Variants in MAST2 observed in about 807,000 individuals in gnomAD.
The protein encoded by MAST2 is microtubule associated serine/threonine kinase 2.
In MAST2, 70 loss-of-function variants were observed where a neutral mutation model predicts 147.4. The ratio of observed to expected loss-of-function variants is 0.47; its 90% CI spans 0.39 to 0.58. MAST2 has a LOEUF of 0.58. Among genes scored for constraint, MAST2 ranks in the 20% least tolerant of loss-of-function variants. The pLI, the probability that MAST2 is intolerant of heterozygous loss-of-function variation, is 0.00. For synonymous variants in MAST2, 869 were observed against 896.8 expected (o/e 0.97, Z 0.55); for missense variants, 2,080 against 2,302.3 (o/e 0.90, Z 1.98).
chr1:45,911,853 A>ATAT (rs10595888), intron 4 of MAST2, among the ~76,000 whole-genome samples: 12,401 of 135,664 alleles, frequency 0.091, 639 homozygotes, highest in South Asian at 0.12. Flanking sequence ...TATTATTGTT[A>ATAT]TATTATTATT....
At chr1:45,862,625 A>T (rs1011200673) in intron 3 of MAST2, among the ~76,000 whole-genome samples, 4 of 151,832 alleles carry the variant, frequency 2.6e-5, no homozygotes, top group Admixed American at 6.6e-5. Context: ...GCCTGCCATC[A>T]TGCCTGGCTA....
intron 4 of MAST2, chr1:45,913,925 A>G: frequency 8.6e-7 from 1 of 1,162,218 alleles, no homozygotes; most frequent in Non-Finnish European, 1.1e-6. Flanking sequence ...TGTCAGGAAA[A>G]AAAACTAATG....
intron 3 of MAST2, among the ~76,000 whole-genome samples, chr1:45,874,602 A>G (rs1646524112): frequency 6.6e-6 from 1 of 152,230 alleles, no homozygotes; most frequent in Non-Finnish European, 1.5e-5. Context: ...TTGCCTTATA[A>G]TGATGATAAC....
chr1:45,902,627 C>T (rs1477142160), intron 4 of MAST2, among the ~76,000 whole-genome samples: 5 of 147,944 alleles, frequency 3.4e-5, no homozygotes, highest in Admixed American at 6.7e-5. Flanking sequence ...TTTTTTGGTT[C>T]GTAGATTTTT....
At chr1:45,946,841 G>A (rs1007047923) in intron 4 of MAST2, among the ~76,000 whole-genome samples, 1 of 152,142 alleles carries the variant, frequency 6.6e-6, no homozygotes, top group African/African-American at 2.4e-5. Context: ...GGAGCATACT[G>A]TTTCCTTAGT....
At chr1:45,964,029 C>T (rs530040815) in intron 5 of MAST2, among the ~76,000 whole-genome samples, 11 of 152,196 alleles carry the variant, frequency 7.2e-5, no homozygotes, top group African/African-American at 2.2e-4. Flanking sequence ...TATTGATTTG[C>T]GTATGTTGAA....
chr1:45,996,095 C>G (rs1028150644), intron 5 of MAST2, among the ~76,000 whole-genome samples: 9 of 151,088 alleles, frequency 6.0e-5, no homozygotes, highest in Admixed American at 1.3e-4. Context: ...GCTTTTTTTT[C>G]CCCTCTCGGT....
At chr1:45,876,803 G>A (rs910649954) in intron 3 of MAST2, among the ~76,000 whole-genome samples, 6 of 152,140 alleles carry the variant, frequency 3.9e-5, no homozygotes, top group Admixed American at 3.9e-4. Flanking sequence ...TAAGGAAGTC[G>A]GAAGGGATGG....
intron 4 of MAST2, among the ~76,000 whole-genome samples, chr1:45,886,892 TC>T (rs200519035): frequency 0.023 from 3,439 of 152,244 alleles, 141 homozygotes; most frequent in African/African-American, 0.078. Flanking sequence ...AGTGGCGCAG[TC>T]TCAGCTCACT....
intron 4 of MAST2, among the ~76,000 whole-genome samples, chr1:45,908,994 G>A (rs1024389336): frequency 6.6e-6 from 1 of 152,170 alleles, no homozygotes; most frequent in Non-Finnish European, 1.5e-5. Flanking sequence ...TTTCGGTAAT[G>A]TCATAGTTAC....
intron 3 of MAST2, among the ~76,000 whole-genome samples, chr1:45,837,917 T>A (rs1250770431): frequency 6.6e-6 from 1 of 152,138 alleles, no homozygotes; most frequent in Admixed American, 6.5e-5. Flanking sequence ...TAGCTGAAAT[T>A]ACAGGCGCAC....
chr1:45,915,290 A>C (rs180939882), intron 4 of MAST2, among the ~76,000 whole-genome samples: 3 of 152,280 alleles, frequency 2.0e-5, no homozygotes, highest in Admixed American at 2.0e-4. Flanking sequence ...TTTGAGTTAG[A>C]AAAATACCCC....
chr1:45,931,385 T>TTTTG (rs1655278147), intron 4 of MAST2, among the ~76,000 whole-genome samples: 1 of 147,572 alleles, frequency 6.8e-6, no homozygotes, highest in African/African-American at 2.5e-5. Context: ...CTGTTTTTTT[T>TTTTG]TTTTTTTTTT....
chr1:45,814,538 G>A (rs1644396299), intron 1 of MAST2, among the ~76,000 whole-genome samples: 1 of 152,190 alleles, frequency 6.6e-6, no homozygotes, highest in South Asian at 2.1e-4. Context: ...TTTGTATAAT[G>A]TAAACACATA....
At chr1:45,861,463 A>T (rs1425498887) in intron 3 of MAST2, among the ~76,000 whole-genome samples, 3 of 141,696 alleles carry the variant, frequency 2.1e-5, no homozygotes, top group East Asian at 2.1e-4. Flanking sequence ...TGCTCTGCTG[A>T]TTTCCTTTTT....
At chr1:45,933,085 AAAAG>A (rs1655584758) in intron 4 of MAST2, among the ~76,000 whole-genome samples, 1 of 149,494 alleles carries the variant, frequency 6.7e-6, no homozygotes, top group Admixed American at 6.6e-5. Context: ...AAAAAAAAAA[AAAAG>A]GCCAAGTGTG....
chr1:45,992,599 A>G (rs1416456250), intron 5 of MAST2, among the ~76,000 whole-genome samples: 1 of 152,192 alleles, frequency 6.6e-6, no homozygotes, highest in Non-Finnish European at 1.5e-5. Context: ...AAGAGATTGT[A>G]GAGAATTGGT....
chr1:45,997,309 G>T (rs985484462), intron 5 of MAST2, among the ~76,000 whole-genome samples: 3 of 152,146 alleles, frequency 2.0e-5, no homozygotes, highest in African/African-American at 7.2e-5. Context: ...AGTGCGCAGA[G>T]ATATATATGC....
In MAST2 at chr1:45,803,852, C is replaced by A. The variant is rs1359173183; in HGVS notation, c.-44C>A. ...GCTGCGGCCCGGGGCAGTGCGGAGCCGGGACAGTCGCGGCGCTGACGCCCG... is the reference window on the plus strand; with the variant it reads ...GCTGCGGCCCGGGGCAGTGCGGAGCAGGGACAGTCGCGGCGCTGACGCCCG... On this transcript the variant is annotated 5_prime_UTR_variant, in exon 1 of 29. Coordinates refer to ENST00000361297, the MANE Select transcript of MAST2 (RefSeq NM_015112.3). The A allele has an allele frequency of 2.0e-6, 1 of 502,762 alleles. No homozygotes were observed. The highest frequency in any genetic ancestry group is 4.6e-5 in the Admixed American group (1 of 21,586). 31.1% of individuals were successfully genotyped at this position (502,762 alleles called of 1,614,324 possible). A position where few individuals can be genotyped will look rare whatever the true frequency, so the allele number is the denominator to read the frequency against.
Sources: gnomAD v4.1 joint callset for allele counts (sites outside exome capture counted in the v4.1 genomes callset) on GRCh38, gnomAD v4.1.1 for gene constraint, MANE v1.5 for transcripts, NCBI Gene and HGNC (gene_info 2026-07-23, HGNC 2026-07-21) for gene names.